The following DCP1B variants were observed in gnomAD, a reference collection of about 807,000 sequenced individuals.
DCP1B encodes decapping mRNA 1B.
Under a neutral mutation model 60.5 loss-of-function variants are expected in DCP1B, and 47 were observed. The observed-to-expected ratio is 0.78, with a 90% CI of 0.61 to 0.99. DCP1B has a LOEUF of 0.99. Among genes scored for constraint, DCP1B ranks in the 50% least tolerant of loss-of-function variants. The probability of loss-of-function intolerance (pLI) is 0.00; values close to 1 mark genes in which losing one functional copy is unlikely to be tolerated. For synonymous variants in DCP1B, 267 were observed against 280.3 expected (o/e 0.95, Z 0.47); for missense variants, 725 against 756.8 (o/e 0.96, Z 0.49).
chr12:1,951,275 C>CA (rs1565760453), intron 7 of DCP1B, among the ~76,000 whole-genome samples: 1 of 151,086 alleles, frequency 6.6e-6, no homozygotes, highest in East Asian at 1.9e-4. Flanking sequence ...AACTCTGTCT[C>CA]AAAAAACAAA....
chr12:1,993,475 G>T, intron 2 of DCP1B, 84 bp from the exon 3 acceptor site: 1 of 1,514,066 alleles, frequency 6.6e-7, no homozygotes, highest in Non-Finnish European at 8.9e-7. Flanking sequence ...ATTCTGATGT[G>T]TCTCTCAACC....
chr12:1,946,316 A>G, intron 8 of DCP1B, 30 bp from the exon 9 acceptor site: 1 of 1,561,642 alleles, frequency 6.4e-7, no homozygotes, highest in Non-Finnish European at 8.7e-7. Context: ...ACCCAAGAGA[A>G]TGTTACTTGG....
chr12:1,978,369 A>G (rs2035066275), intron 3 of DCP1B, among the ~76,000 whole-genome samples: 1 of 152,244 alleles, frequency 6.6e-6, no homozygotes. Flanking sequence ...GCAAAGTAAT[A>G]AAGAGTTAGT....
Position 1,967,922 on chromosome 12 carries a change from A to G in DCP1B, c.320-12T>C. The G allele has an allele frequency of 6.2e-7, 1 of 1,605,390 alleles. No individual in the cohort carries two copies. The highest frequency in any genetic ancestry group is 8.5e-7 in the Non-Finnish European group (1 of 1,177,500). On this transcript the variant is annotated splice_polypyrimidine_tract_variant and intron_variant, in intron 3 of 8. Transcript: ENST00000280665. Reference sequence around the variant, plus strand: ...TCCATAGATGGACACTGCAAAAAACACACATCAAACAAATTATGAGCATCT... The same window carrying G: ...TCCATAGATGGACACTGCAAAAAACGCACATCAAACAAATTATGAGCATCT...
intron 3 of DCP1B, among the ~76,000 whole-genome samples, chr12:1,989,030 T>C (rs763513917): frequency 6.6e-6 from 1 of 152,242 alleles, no homozygotes; most frequent in African/African-American, 2.4e-5. Context: ...AAAAAGAATT[T>C]CATTGCAATC....
In DCP1B at chr12:1,994,703, G is replaced by C. The variant is rs370186026; in HGVS notation, c.192-1312C>G. Among the ~76,000 whole-genome samples, 14 of 152,312 alleles carry C rather than the reference G, an allele frequency of 9.2e-5. 1 individual carries two copies. The South Asian group carries it at 2.9e-3, about 32-fold the overall frequency. ...TAAATGATTTTTTAAATGGGATTAA[G>C]TGTTTTCATACAAGAATGAGAATTT... On this transcript the variant is annotated intron_variant, in intron 2 of 8. Transcript: ENST00000280665.
In DCP1B at chr12:2,004,451, T is replaced by C. The variant is rs376554458; in HGVS notation, c.-20A>G. 1.0e-5 allele frequency: 16 copies of C among 1,596,928 alleles called. No homozygotes were observed. The highest frequency in any genetic ancestry group is 1.2e-5 in the Non-Finnish European group (14 of 1,172,200). ...TGCCATCTTCCCTCCCTCCCAGACA[T>C]AGGCACGGGGCTCTTGGAAGCCACT... On this transcript the variant is annotated 5_prime_UTR_variant, in exon 1 of 9. It removes an upstream start codon present in the reference 5' UTR. Transcript: ENST00000280665.
chr12:1,977,520 G>A (rs964268324), intron 3 of DCP1B, among the ~76,000 whole-genome samples: 4 of 152,168 alleles, frequency 2.6e-5, no homozygotes, highest in Admixed American at 6.6e-5. Flanking sequence ...GAATATAAGT[G>A]ATTTGCGAAT....
intron 5 of DCP1B, among the ~76,000 whole-genome samples, chr12:1,960,309 G>T (rs551175105): frequency 6.6e-6 from 1 of 152,352 alleles, no homozygotes; most frequent in Non-Finnish European, 1.5e-5. Flanking sequence ...AGTACTGCAT[G>T]ATTTCACTCC....
intron 2 of DCP1B, 32 bp downstream of exon 2, chr12:1,997,903 T>C: frequency 1.3e-6 from 2 of 1,549,346 alleles, no homozygotes; most frequent in South Asian, 2.3e-5. Flanking sequence ...ATTTTGAAGA[T>C]TAGTTTCTTT....
chr12:1,947,027 T>C (rs753456683), intron 8 of DCP1B, among the ~76,000 whole-genome samples: 3 of 152,208 alleles, frequency 2.0e-5, no homozygotes, highest in Admixed American at 1.3e-4. Flanking sequence ...ATGTGTCTGC[T>C]TTGTTTTGGG....
chr12:1,953,962 T>G (rs1225666471), intron 6 of DCP1B, among the ~76,000 whole-genome samples: 1 of 152,282 alleles, frequency 6.6e-6, no homozygotes, highest in South Asian at 2.1e-4. Context: ...GCAGGCAGAC[T>G]GCTTGAGCTA....
intron 3 of DCP1B, among the ~76,000 whole-genome samples, chr12:1,977,336 T>C (rs2034721937): frequency 6.6e-6 from 1 of 152,186 alleles, no homozygotes; most frequent in African/African-American, 2.4e-5. Context: ...GGTGTCATTC[T>C]CCGTCTCTAC....
chr12:1,967,885 A>G lies in DCP1B; in HGVS notation c.345T>C (p.Tyr115=). The G allele has an allele frequency of 1.9e-6, 3 of 1,613,176 alleles. No homozygotes were observed. The highest frequency in any genetic ancestry group is 2.5e-6 in the Non-Finnish European group (3 of 1,179,766). ...ARLSIYGIWF[Y]DKEECQRIAE... ...CAATTCTTTGGCATTCTTCCTTATC[A>G]TAAAACCAAATTCCATAGATGGACA... Residue 115 remains tyrosine (Y), a synonymous_variant, in exon 4 of 9, where the codon TAT becomes TAC. Transcript: ENST00000280665.
rs1161189397 is a variant in DCP1B, at chr12:1,962,255, C to T, written c.522+3303G>A. On this transcript the variant is annotated intron_variant, in intron 5 of 8. Coordinates refer to ENST00000280665, the MANE Select transcript of DCP1B (RefSeq NM_152640.5). This position sits in a 1 kb window ranked among gnomAD's most constrained non-coding sequence, Gnocchi z 4.4. Reference sequence around the variant, plus strand: ...TGTACAGGCCAGAGACGAGGAGATACGTATGGCTCAGGATTGGTTAGTGTG... The same window carrying T: ...TGTACAGGCCAGAGACGAGGAGATATGTATGGCTCAGGATTGGTTAGTGTG... Among the ~76,000 whole-genome samples the T allele has an allele frequency of 6.6e-6, 1 of 152,122 alleles. No homozygotes were observed. The highest frequency in any genetic ancestry group is 1.5e-5 in the Non-Finnish European group (1 of 68,010).
Position 1,994,682 on chromosome 12 carries a change from T to C in DCP1B, c.192-1291A>G, listed in dbSNP as rs78135654. ...AAAGGAAGGCATGGGAGGAAATAAA[T>C]GATTTTTTAAATGGGATTAAGTGTT... On this transcript the variant is annotated intron_variant, in intron 2 of 8. Transcript: ENST00000280665. 1.5e-3 allele frequency among the ~76,000 whole-genome samples: 221 copies of C among 152,336 alleles called. 5 individuals are homozygous for C. In the East Asian group the frequency reaches 0.03, roughly 20 times the overall value.
downstream of DCP1B, among the ~76,000 whole-genome samples, chr12:1,942,671 C>G (rs1399655359): frequency 2.0e-5 from 3 of 152,198 alleles, no homozygotes; most frequent in Non-Finnish European, 4.4e-5. Context: ...GGAAACTGAA[C>G]AACCTGCTCC....
intron 3 of DCP1B, among the ~76,000 whole-genome samples, chr12:1,980,740 T>C (rs1042153548): frequency 3.4e-5 from 5 of 148,438 alleles, no homozygotes; most frequent in African/African-American, 1.2e-4. Flanking sequence ...AAAAAAGTTC[T>C]TATTTCATTT....
chr12:1,941,716 G>A (rs569494828), downstream of DCP1B, among the ~76,000 whole-genome samples: 2 of 152,178 alleles, frequency 1.3e-5, no homozygotes, highest in South Asian at 2.1e-4. Context: ...ATTCCTTTCT[G>A]TTTGTTAGTT....
Sources: gnomAD v4.1 joint callset for allele counts (sites outside exome capture counted in the v4.1 genomes callset) on GRCh38, gnomAD v4.1.1 for gene constraint, Gnocchi (gnomAD v3.1) non-coding constraint, MANE v1.5 for transcripts, NCBI Gene and HGNC (gene_info 2026-07-23, HGNC 2026-07-21) for gene names.